The following NCOA1 variants were observed in gnomAD, a reference collection of about 807,000 sequenced individuals.
NCOA1 encodes the protein nuclear receptor coactivator 1.
In NCOA1, 35 loss-of-function variants were observed where a neutral mutation model predicts 150.9. The observed-to-expected ratio is 0.23, with a 90% CI of 0.18 to 0.31. The LOEUF (loss-of-function observed/expected upper bound fraction) is 0.31. Among genes scored for constraint, NCOA1 ranks in the 10% least tolerant of loss-of-function variants. NCOA1 has a pLI of 1.00. For missense variants in NCOA1, 1,491 were observed against 1,749.3 expected (o/e 0.85, Z 2.63); for synonymous variants, 590 against 630.0 (o/e 0.94, Z 0.95).
chr2:24,498,949 GT>G (rs200845635), intron 1 of NCOA1, among the ~76,000 whole-genome samples: 12 of 148,120 alleles, frequency 8.1e-5, no homozygotes, highest in East Asian at 2.0e-4. Context: ...AGATTATATG[GT>G]TTTTTTTTTG....
chr2:24,571,660 C>T (rs951880004), intron 2 of NCOA1, among the ~76,000 whole-genome samples: 6 of 152,160 alleles, frequency 3.9e-5, no homozygotes, highest in South Asian at 4.2e-4. Context: ...TCTCTTAGTG[C>T]GCTGGCCAAG....
rs191089307 is a variant in NCOA1 at position 24,498,043 on chromosome 2, C to T, written c.-396+6441C>T. Among the ~76,000 whole-genome samples the T allele has an allele frequency of 3.3e-5, 5 of 152,298 alleles. No individual in the cohort carries two copies. The East Asian group carries it at 9.6e-4, about 29-fold the overall frequency. ...TTGTGAATGTATGTATGTATATAAA[C>T]ATATCACATCATATTTGACCAGATA... On this transcript the variant is annotated intron_variant, in intron 1 of 22. Coordinates refer to ENST00000348332, the MANE Select transcript of NCOA1 (RefSeq NM_003743.5).
chr2:24,735,181 A>G (rs1663233028), intron 17 of NCOA1, among the ~76,000 whole-genome samples: 1 of 152,234 alleles, frequency 6.6e-6, no homozygotes, highest in Non-Finnish European at 1.5e-5. Context: ...GACCTAGAAG[A>G]CAAAAGACAC....
intron 1 of NCOA1, among the ~76,000 whole-genome samples, chr2:24,547,881 C>T (rs539964563): frequency 6.1e-5 from 9 of 147,206 alleles, no homozygotes; most frequent in African/African-American, 1.0e-4. Context: ...CTCAGCTACT[C>T]GGGAGACTGA....
chr2:24,510,465 C>T (rs1663889830), intron 1 of NCOA1, among the ~76,000 whole-genome samples: 1 of 152,146 alleles, frequency 6.6e-6, no homozygotes, highest in Non-Finnish European at 1.5e-5. Flanking sequence ...ATCTTGGCCT[C>T]CCAAGTAACT....
intron 1 of NCOA1, among the ~76,000 whole-genome samples, chr2:24,520,137 C>T (rs1236312006): frequency 6.6e-6 from 1 of 152,144 alleles, no homozygotes; most frequent in African/African-American, 2.4e-5. Flanking sequence ...CTGGAACGCT[C>T]ACATTATGGT....
intron 17 of NCOA1, among the ~76,000 whole-genome samples, chr2:24,731,053 A>G (rs1053541722): frequency 6.6e-6 from 1 of 151,520 alleles, no homozygotes; most frequent in Non-Finnish European, 1.5e-5. Flanking sequence ...AAAAAAAAAA[A>G]AAGCCAGCTG....
In NCOA1 at chr2:24,637,083, T is replaced by TTA. The variant is rs1558861606; in HGVS notation, c.-174-6882_-174-6881insAT. On this transcript the variant is annotated intron_variant, in intron 3 of 22. Transcript: ENST00000348332. ...TTTTGAGATTTTTTAAAATCTTTTT[T>TTA]TTATTATTATTATTATACTTTAAGT... is the stretch of plus-strand genomic sequence containing the variant. Among the ~76,000 whole-genome samples the TTA allele has an allele frequency of 6.2e-3, 934 of 151,510 alleles. 11 individuals carry two copies. Among genetic ancestry groups the TTA allele is most frequent in the African/African-American group, 0.022 (898 of 41,268 alleles).
At chr2:24,549,014 T>G (rs1486163624) in intron 1 of NCOA1, among the ~76,000 whole-genome samples, 2 of 152,120 alleles carry the variant, frequency 1.3e-5, no homozygotes, top group Admixed American at 1.3e-4. Flanking sequence ...GGACTGTGTG[T>G]GGGGGCTCTG....
At chr2:24,570,013 AG>A (rs1405272195) in intron 2 of NCOA1, among the ~76,000 whole-genome samples, 2 of 151,454 alleles carry the variant, frequency 1.3e-5, no homozygotes, top group African/African-American at 4.8e-5. Context: ...CAATTTCTCA[AG>A]TTGAAGCACT....
At chr2:24,625,430 G>T (rs970339253) in intron 3 of NCOA1, among the ~76,000 whole-genome samples, 4 of 150,930 alleles carry the variant, frequency 2.7e-5, no homozygotes, top group African/African-American at 7.3e-5. Context: ...ATGAACTGGG[G>T]ATTTAAAAAT....
chr2:24,566,745 C>T (rs1666525963), intron 2 of NCOA1, among the ~76,000 whole-genome samples: 1 of 152,258 alleles, frequency 6.6e-6, no homozygotes, highest in African/African-American at 2.4e-5. Context: ...CATCGAGTCT[C>T]TCCTTGTCCT....
intron 3 of NCOA1, among the ~76,000 whole-genome samples, chr2:24,613,585 G>C: frequency 6.6e-6 from 1 of 152,200 alleles, no homozygotes; most frequent in East Asian, 1.9e-4. Flanking sequence ...CTTAATCCAG[G>C]AGAGTGGGTA....
intron 2 of NCOA1, among the ~76,000 whole-genome samples, chr2:24,566,073 C>T (rs565015315): frequency 1.5e-3 from 227 of 152,302 alleles, no homozygotes; most frequent in Middle Eastern, 6.8e-3. Context: ...TGTGTTACAA[C>T]TTTTTCAATC....
chr2:24,643,393 T>A (rs1029758803), intron 3 of NCOA1, among the ~76,000 whole-genome samples: 1 of 152,194 alleles, frequency 6.6e-6, no homozygotes, highest in Admixed American at 6.5e-5. Flanking sequence ...CTTTCCAATT[T>A]CTTCAAACAG....
intron 1 of NCOA1, among the ~76,000 whole-genome samples, chr2:24,538,001 T>G (rs1190110320): frequency 6.6e-6 from 1 of 152,228 alleles, no homozygotes; most frequent in Non-Finnish European, 1.5e-5. Context: ...AATCCCACAC[T>G]TATGGAAGTT....
intron 17 of NCOA1, among the ~76,000 whole-genome samples, chr2:24,735,744 A>T (rs1177847854): frequency 6.6e-6 from 1 of 152,218 alleles, no homozygotes; most frequent in Non-Finnish European, 1.5e-5. Flanking sequence ...AAGAGCAACA[A>T]GAAGGAAGGA....
chr2:24,629,883 G>A (rs190490043), intron 3 of NCOA1, among the ~76,000 whole-genome samples: 1 of 126,746 alleles, frequency 7.9e-6, no homozygotes, highest in African/African-American at 3.0e-5. Context: ...TCGCTTTGTC[G>A]CCCACGCTGG....
chr2:24,765,461 T>C (rs1161156204), intron 22 of NCOA1, among the ~76,000 whole-genome samples: 1 of 150,372 alleles, frequency 6.7e-6, no homozygotes, highest in Non-Finnish European at 1.5e-5. Flanking sequence ...ATCGTGCCAC[T>C]GCACTCCAGC....
Sources: allele counts gnomAD v4.1 joint callset (sites outside exome capture counted in the v4.1 genomes callset), GRCh38; gene constraint gnomAD v4.1.1; transcripts MANE v1.5; gene names NCBI Gene and HGNC (gene_info 2026-07-23, HGNC 2026-07-21).